PEPD: variants seen among roughly 807,000 people sequenced by gnomAD.
PEPD encodes the protein xaa-Pro dipeptidase.
A neutral mutation model predicts 60.7 loss-of-function variants in PEPD; 53 were observed. That is an observed-to-expected ratio of 0.87 (90% CI 0.70 to 1.10). The LOEUF is 1.10. PEPD is among the 50% of genes least tolerant of loss of function. PEPD has a pLI of 0.00. For missense variants in PEPD, 711 were observed against 711.9 expected, an observed-to-expected ratio of 1.00 and a Z score of 0.01; for synonymous variants, 267 against 284.1, an observed-to-expected ratio of 0.94 and a Z score of 0.60.
chr19:33,406,060 C>T (rs1342955044), intron 11 of PEPD, among the ~76,000 whole-genome samples: 1 of 152,190 alleles, frequency 6.6e-6, no homozygotes, highest in African/African-American at 2.4e-5. Context: ...CTGTGGGGTG[C>T]CTCGTCCAGA....
chr19:33,491,349 C>T (rs10416810), intron 5 of PEPD, among the ~76,000 whole-genome samples: 1,938 of 152,158 alleles, frequency 0.013, 48 homozygotes, highest in African/African-American at 0.044. Context: ...ACTCAGGAGG[C>T]TGAGGCAGGA....
intron 1 of PEPD, among the ~76,000 whole-genome samples, chr19:33,513,117 C>T (rs759885323): frequency 1.6e-4 from 24 of 152,042 alleles, no homozygotes; most frequent in Non-Finnish European, 2.8e-4. Flanking sequence ...GTGCCCATGA[C>T]CCTGGGGGCC....
In PEPD at chr19:33,512,598, G is replaced by A. The variant is rs368995247; in HGVS notation, c.196C>T (p.Arg66Cys). 9.9e-6 allele frequency: 16 copies of A among 1,613,542 alleles called. No individual in the cohort carries two copies. Among genetic ancestry groups the A allele is most frequent in the Middle Eastern group, 1.7e-4 (1 of 5,934 alleles). ...RYCTDTGVLFRQESFFHWAFG... is the reference protein window; with the variant it reads ...RYCTDTGVLFCQESFFHWAFG... ...GGCCAAGCGGGGAGGCTCACCTGGC[G>A]GAAGAGGACCCCGGTGTCGGTGCAG... Residue 66 changes from arginine (R) to cysteine (C), a missense_variant, in exon 2 of 15, where the codon CGC becomes TGC. By Grantham distance (180) the Arg-to-Cys change is radical (BLOSUM62 -3). Coordinates refer to ENST00000244137, the MANE Select transcript of PEPD (RefSeq NM_000285.4).
intron 6 of PEPD, among the ~76,000 whole-genome samples, chr19:33,484,227 A>C (rs1023472594): frequency 6.6e-6 from 1 of 152,246 alleles, no homozygotes; most frequent in Non-Finnish European, 1.5e-5. Context: ...ACAGGGCAGC[A>C]GGTGACATAA....
At chr19:33,521,379 G>C (rs1243336357) in intron 1 of PEPD, among the ~76,000 whole-genome samples, 1 of 152,212 alleles carries the variant, frequency 6.6e-6, no homozygotes, top group African/African-American at 2.4e-5. Context: ...CTCGAATACC[G>C]CCTCCTCCGG....
intron 11 of PEPD, among the ~76,000 whole-genome samples, chr19:33,402,545 T>C (rs8107837): frequency 0.44 from 67,498 of 151,998 alleles, 15,729 homozygotes; most frequent in African/African-American, 0.58. Flanking sequence ...CCTCTGCCCA[T>C]GGGGATGGGA....
intron 6 of PEPD, among the ~76,000 whole-genome samples, chr19:33,481,222 C>A (rs1038282364): frequency 6.6e-6 from 1 of 151,626 alleles, no homozygotes; most frequent in Non-Finnish European, 1.5e-5. Flanking sequence ...AATTGGATAA[C>A]CTATTTGAAA....
At chr19:33,400,681 G>A (rs1968466681) in intron 12 of PEPD, among the ~76,000 whole-genome samples, 1 of 152,220 alleles carries the variant, frequency 6.6e-6, no homozygotes, top group Admixed American at 6.5e-5. Flanking sequence ...CAAGGATTAC[G>A]GCAGGGGTGC....
chr19:33,483,949 T>C (rs979034325), intron 6 of PEPD, among the ~76,000 whole-genome samples: 2 of 152,176 alleles, frequency 1.3e-5, no homozygotes, highest in African/African-American at 4.8e-5. Context: ...GCTTCGTTAA[T>C]GGTGTTGAAA....
chr19:33,476,862 A>T lies in PEPD; in HGVS notation c.548+1184T>A, dbSNP rs1230995474. On this transcript the variant is annotated intron_variant, in intron 7 of 14. Coordinates refer to ENST00000244137, the MANE Select transcript of PEPD (RefSeq NM_000285.4). ...GTATTTTTAGTAGAGACGGGGTTTC[A>T]CTGTGTTAGCCAGGATGGTCTCGAT... Among the ~76,000 whole-genome samples the T allele has an allele frequency of 2.0e-5, 3 of 151,822 alleles. No homozygotes were observed. The East Asian group carries it at 5.8e-4, about 29-fold the overall frequency.
chr19:33,413,450 G>A (rs761599018), intron 10 of PEPD, 125 bp downstream of exon 10: 33 of 671,338 alleles, frequency 4.9e-5, no homozygotes, highest in Non-Finnish European at 6.6e-5. Flanking sequence ...CTTGGGCCGG[G>A]CGCTGGTGTG....
intron 7 of PEPD, 129 bp downstream of exon 7, chr19:33,477,917 A>G (rs1181689891): frequency 2.7e-6 from 2 of 734,002 alleles, no homozygotes; most frequent in Non-Finnish European, 5.0e-6. Context: ...AGAAAAGGCT[A>G]TGGGAGAAGG....
At chr19:33,452,391 T>G (rs1969714779) in intron 9 of PEPD, among the ~76,000 whole-genome samples, 1 of 152,024 alleles carries the variant, frequency 6.6e-6, no homozygotes, top group African/African-American at 2.4e-5. Context: ...ACTAAACAAG[T>G]TAAAAGACAG....
At chr19:33,466,723 G>T (rs1970023415) in intron 7 of PEPD, among the ~76,000 whole-genome samples, 1 of 149,702 alleles carries the variant, frequency 6.7e-6, no homozygotes, top group African/African-American at 2.5e-5. Flanking sequence ...CTAACTTTCA[G>T]CAATGCATGT....
chr19:33,405,180 G>A (rs1293419368), intron 11 of PEPD, among the ~76,000 whole-genome samples: 7 of 152,188 alleles, frequency 4.6e-5, no homozygotes, highest in Admixed American at 4.6e-4. Context: ...GGGTAGCTTT[G>A]GGCCTGGGCT....
intron 1 of PEPD, among the ~76,000 whole-genome samples, chr19:33,520,434 A>G (rs1338364461): frequency 2.0e-5 from 3 of 152,178 alleles, no homozygotes; most frequent in Non-Finnish European, 4.4e-5. Flanking sequence ...CAGGAAGTGA[A>G]GCCTTCCCAC....
At chr19:33,462,734 C>G (rs1969949157) in intron 9 of PEPD, among the ~76,000 whole-genome samples, 4 of 152,160 alleles carry the variant, frequency 2.6e-5, no homozygotes, top group African/African-American at 4.8e-5. Context: ...ATGGCAGAAA[C>G]AAAGTCCGAG....
chr19:33,471,543 A>G (rs1345295071), intron 7 of PEPD, among the ~76,000 whole-genome samples: 1 of 152,174 alleles, frequency 6.6e-6, no homozygotes, highest in Middle Eastern at 3.2e-3. Context: ...CCCTGGAGTG[A>G]GAGATGCATG....
chr19:33,473,305 G>A (rs1248281494), intron 7 of PEPD, among the ~76,000 whole-genome samples: 1 of 152,092 alleles, frequency 6.6e-6, no homozygotes, highest in Non-Finnish European at 1.5e-5. Context: ...CAGACACACC[G>A]AGAATTTAGG....
Sources: allele counts gnomAD v4.1 joint callset (sites outside exome capture counted in the v4.1 genomes callset), GRCh38; gene constraint gnomAD v4.1.1; transcripts MANE v1.5; gene names NCBI Gene and HGNC (gene_info 2026-07-23, HGNC 2026-07-21).